TBC1D2: variants seen among roughly 807,000 people sequenced by gnomAD.
TBC1D2 encodes the protein TBC1 domain family member 2A.
In TBC1D2, 58 loss-of-function variants were observed where a neutral mutation model predicts 91.1. That is an observed-to-expected ratio of 0.64 (90% CI 0.52 to 0.79). The LOEUF is 0.79. Ranked by LOEUF, TBC1D2 falls within the 30% of genes least tolerant of loss-of-function variation. The pLI is 0.00. For missense variants in TBC1D2, 1,080 were observed against 1,208.3 expected (o/e 0.89, Z 1.57); for synonymous variants, 482 against 511.5 (o/e 0.94, Z 0.78).
intron 9 of TBC1D2, among the ~76,000 whole-genome samples, chr9:98,204,229 C>T (rs866126531): frequency 1.3e-5 from 2 of 152,136 alleles, no homozygotes; most frequent in Admixed American, 1.3e-4. Context: ...ACTGGTCTCC[C>T]AAGATGCTAG....
chr9:98,249,237 C>A (rs1829824668), intron 2 of TBC1D2, among the ~76,000 whole-genome samples: 2 of 152,202 alleles, frequency 1.3e-5, no homozygotes, highest in Admixed American at 1.3e-4. Flanking sequence ...AAGCTCACGT[C>A]CCTGCTTCCT....
chr9:98,246,354 T>C (rs1829764180), intron 2 of TBC1D2, among the ~76,000 whole-genome samples: 2 of 152,148 alleles, frequency 1.3e-5, no homozygotes, highest in Admixed American at 1.3e-4. Flanking sequence ...TCAACCTACC[T>C]AAGAAAAGAA....
chr9:98,229,051 G>C lies in TBC1D2; in HGVS notation c.879C>G (p.Phe293Leu). Residue 293 changes from phenylalanine (F) to leucine (L), a missense_variant, in exon 5 of 13, where the codon TTC (phenylalanine) becomes TTG (leucine). Transcript: ENST00000465784. ...GGTTCCGTGTGATTCCTTCAGAAAA[G>C]AATGGGAAGGTGTTGTTCTGGCGCT... ...KAKRQNNTFP[F>L]FSEGITRNRT... 1 of 1,614,264 alleles carries C rather than the reference G, an allele frequency of 6.2e-7. No individual in the cohort carries two copies. The highest frequency in any genetic ancestry group is 8.5e-7 in the Non-Finnish European group (1 of 1,180,048).
chr9:98,229,291 G>C (rs1315502488), intron 4 of TBC1D2, 143 bp from the exon 5 acceptor site: 3 of 711,884 alleles, frequency 4.2e-6, no homozygotes, highest in African/African-American at 3.6e-5. Context: ...TAATAGGTCT[G>C]GGGCAGGGCT....
intron 2 of TBC1D2, among the ~76,000 whole-genome samples, chr9:98,246,334 G>C (rs1389074226): frequency 6.6e-6 from 1 of 152,140 alleles, no homozygotes; most frequent in Non-Finnish European, 1.5e-5. Flanking sequence ...TGGGGGTCAG[G>C]GGGAGCTGTT....
rs1238031098 is a variant in TBC1D2, at chr9:98,201,534, A to G, written c.2402T>C (p.Leu801Pro). The change falls in exon 11 of 13, where the codon CTC becomes CCC. Residue 801 changes from leucine (L) to proline (P), a missense_variant. By Grantham distance (98) the Leu-to-Pro change is moderately conservative. Coordinates refer to ENST00000465784, the MANE Select transcript of TBC1D2 (RefSeq NM_001267571.2). ...GACCCGAAGGAGGATGTTGCTAATGAGACTGTCCGCAAAGACCACGAGGAA... is the reference window on the plus strand; with the variant it reads ...GACCCGAAGGAGGATGTTGCTAATGGGACTGTCCGCAAAGACCACGAGGAA... Reference protein sequence around the residue: ...NWFLVVFADSLISNILLRVWD... With the variant: ...NWFLVVFADSPISNILLRVWD... 1 of 1,614,006 alleles carries G rather than the reference A, an allele frequency of 6.2e-7. No homozygotes were observed. Among genetic ancestry groups the G allele is most frequent in the South Asian group, 1.1e-5 (1 of 91,090 alleles).
At chr9:98,253,714 A>G (rs1299669871) in intron 1 of TBC1D2, among the ~76,000 whole-genome samples, 1 of 152,084 alleles carries the variant, frequency 6.6e-6, no homozygotes, top group Non-Finnish European at 1.5e-5. Flanking sequence ...TCCCTCCTCC[A>G]GATGCCTTTC....
At chr9:98,215,286 G>A (rs771755988) in intron 6 of TBC1D2, among the ~76,000 whole-genome samples, 13 of 152,170 alleles carry the variant, frequency 8.5e-5, no homozygotes, top group Non-Finnish European at 1.2e-4. Context: ...TTTACTGTCT[G>A]GAGATATAGA....
intron 2 of TBC1D2, among the ~76,000 whole-genome samples, chr9:98,244,600 A>G (rs997566185): frequency 2.5e-4 from 34 of 136,492 alleles, no homozygotes; most frequent in African/African-American, 8.9e-4. Context: ...CGGAGGTTGC[A>G]GTGGGCCGAG....
At chr9:98,218,202 C>G (rs1428300948) in intron 6 of TBC1D2, among the ~76,000 whole-genome samples, 2 of 152,064 alleles carry the variant, frequency 1.3e-5, no homozygotes. Flanking sequence ...CTCTGAGGAT[C>G]ATATGCAAGT....
chr9:98,217,289 G>A (rs1467064607), intron 6 of TBC1D2, among the ~76,000 whole-genome samples: 5 of 152,248 alleles, frequency 3.3e-5, no homozygotes, highest in Non-Finnish European at 5.9e-5. Context: ...GGAGAAGGGG[G>A]ACCAGGGAAG....
At chr9:98,233,625 GCTGGAGCTC>G in intron 3 of TBC1D2, 76 bp from the exon 4 acceptor site, 2 of 1,570,434 alleles carry the variant, frequency 1.3e-6, no homozygotes, top group East Asian at 2.3e-5. Flanking sequence ...CGCCACCACT[GCTGGAGCTC>G]AGGTCTCATC....
rs1410556493 is a variant in TBC1D2, at chr9:98,199,030, GA to G, written c.*350del. The G allele has an allele frequency of 5.3e-6, 2 of 378,416 alleles. No individual in the cohort carries two copies. Among genetic ancestry groups the G allele is most frequent in the African/African-American group, 4.1e-5 (2 of 48,942 alleles). 23.4% of individuals were successfully genotyped at this position (378,416 alleles called of 1,614,324 possible). ...GAACTGTTTAAGTTCCAAAGCTTAT[GA>G]ATGATTTCCACCATTTACATTGTTT... On this transcript the variant is annotated 3_prime_UTR_variant, in exon 13 of 13. Coordinates refer to ENST00000465784, the MANE Select transcript of TBC1D2 (RefSeq NM_001267571.2).
At chr9:98,247,076 C>T (rs887398398) in intron 2 of TBC1D2, among the ~76,000 whole-genome samples, 1 of 151,826 alleles carries the variant, frequency 6.6e-6, no homozygotes, top group Non-Finnish European at 1.5e-5. Context: ...GCCTGTAATC[C>T]CAGCACTTTG....
intron 3 of TBC1D2, among the ~76,000 whole-genome samples, chr9:98,236,812 T>C (rs866421553): frequency 6.6e-6 from 1 of 152,244 alleles, no homozygotes; most frequent in Non-Finnish European, 1.5e-5. Flanking sequence ...ACTGGTGAGA[T>C]TCTACTTGAT....
In TBC1D2 at chr9:98,210,749, T is replaced by C; in HGVS notation, c.1580A>G (p.Glu527Gly). ...AAGCTGCCTCAGCAGCTCTGAGCAC[T>C]CGCTGGCTTCGTCCCCCAGGGCCTC... ...LQEALGDEAS[E>G]CSELLRQLVQ... The change falls in exon 8 of 13, where the codon GAG (glutamate) becomes GGG (glycine). Residue 527 changes from glutamate to glycine, a missense_variant. By Grantham distance (98) the Glu-to-Gly change is moderately conservative. Coordinates refer to ENST00000465784, the MANE Select transcript of TBC1D2 (RefSeq NM_001267571.2). The C allele has an allele frequency of 6.4e-7, 1 of 1,573,894 alleles. No homozygotes were observed.
Position 98,220,901 on chromosome 9 carries a change from A to T in TBC1D2, c.1306T>A (p.Ser436Thr), listed in dbSNP as rs778692375. 1 of 1,613,870 alleles carries T rather than the reference A, an allele frequency of 6.2e-7. No individual in the cohort carries two copies. Among genetic ancestry groups the T allele is most frequent in the African/African-American group, 1.3e-5 (1 of 74,858 alleles). ...TQDFTHPPDQ[S>T]PLRPDAANRD... Reference sequence around the variant, plus strand: ...TTGGCAGCGTCGGGGCGCAAAGGAGACTGGTCAGGGGGGTGCGTGAAGTCC... The same window carrying T: ...TTGGCAGCGTCGGGGCGCAAAGGAGTCTGGTCAGGGGGGTGCGTGAAGTCC... Residue 436 changes from serine to threonine, a missense_variant, in exon 6 of 13, where the codon TCT (serine) becomes ACT (threonine). Transcript: ENST00000465784.
Position 98,223,608 on chromosome 9 carries a change from A to G in TBC1D2, c.979-2380T>C, listed in dbSNP as rs142875926. 6.4e-3 allele frequency among the ~76,000 whole-genome samples: 969 copies of G among 151,300 alleles called. 12 individuals are homozygous for G. The highest frequency in any genetic ancestry group is 0.022 in the African/African-American group (906 of 40,998). Reference sequence around the variant, plus strand: ...CATTGTTCAGACTTGCCCTAGGAGCAGGACCAGTGGGTGTCTTTCCCTCAA... The same window carrying G: ...CATTGTTCAGACTTGCCCTAGGAGCGGGACCAGTGGGTGTCTTTCCCTCAA... On this transcript the variant is annotated intron_variant, in intron 5 of 12. Coordinates refer to ENST00000465784, the MANE Select transcript of TBC1D2 (RefSeq NM_001267571.2).
chr9:98,200,364 C>T lies in TBC1D2; in HGVS notation c.2468G>A (p.Arg823His), dbSNP rs757796692. The T allele has an allele frequency of 8.1e-6, 13 of 1,605,518 alleles. No homozygotes were observed. Among genetic ancestry groups the T allele is most frequent in the African/African-American group, 1.4e-5 (1 of 73,834 alleles). Reference protein sequence around the residue: ...FLYEGTKVVFRYALAIFKYNE... With the variant: ...FLYEGTKVVFHYALAIFKYNE... ...GTACTTGAAAATGGCCAAGGCATAGCGAAACACCACCTGGGGGTAGAGTGG... is the reference window on the plus strand; with the variant it reads ...GTACTTGAAAATGGCCAAGGCATAGTGAAACACCACCTGGGGGTAGAGTGG... Residue 823 changes from arginine (R) to histidine (H), a missense_variant, in exon 12 of 13, where the codon CGC (arginine) becomes CAC (histidine). Coordinates refer to ENST00000465784, the MANE Select transcript of TBC1D2 (RefSeq NM_001267571.2).
Sources: gnomAD v4.1 joint callset for allele counts (sites outside exome capture counted in the v4.1 genomes callset) on GRCh38, gnomAD v4.1.1 for gene constraint, MANE v1.5 for transcripts, NCBI Gene and HGNC (gene_info 2026-07-23, HGNC 2026-07-21) for gene names.